Variants in MACROD2 observed in about 807,000 individuals in gnomAD.
MACROD2 encodes the protein mono-ADP ribosylhydrolase 2.
A neutral mutation model predicts 70.4 loss-of-function variants in MACROD2; 36 were observed. The ratio of observed to expected loss-of-function variants is 0.51; its 90% CI spans 0.39 to 0.68. The LOEUF is 0.68. Among genes scored for constraint, MACROD2 ranks in the 30% least tolerant of loss-of-function variants. The probability of loss-of-function intolerance (pLI) is 0.00; values close to 1 mark genes in which losing one functional copy is unlikely to be tolerated. For missense variants in MACROD2, 496 were observed against 538.4 expected (o/e 0.92, Z 0.78); for synonymous variants, 172 against 178.8 (o/e 0.96, Z 0.30).
At chr20:15,847,115 C>A (rs940403751) in intron 8 of MACROD2, among the ~76,000 whole-genome samples, 2 of 152,034 alleles carry the variant, frequency 1.3e-5, no homozygotes, top group African/African-American at 4.8e-5. Flanking sequence ...ATCAGTGGAT[C>A]TTTCCAAATA....
At chr20:14,511,042 A>G (rs1446020454) in intron 4 of MACROD2, among the ~76,000 whole-genome samples, 2 of 152,058 alleles carry the variant, frequency 1.3e-5, no homozygotes, top group African/African-American at 2.4e-5. Flanking sequence ...TGATTGCTCT[A>G]TTCCCCATAA....
chr20:14,405,253 C>A (rs979175699), intron 3 of MACROD2, among the ~76,000 whole-genome samples: 3 of 150,214 alleles, frequency 2.0e-5, no homozygotes, highest in East Asian at 2.0e-4. Context: ...AGCAACTTGA[C>A]AATACTACAG....
chr20:15,039,398 T>G (rs2075338145), intron 5 of MACROD2, among the ~76,000 whole-genome samples: 1 of 152,184 alleles, frequency 6.6e-6, no homozygotes, highest in Non-Finnish European at 1.5e-5. Flanking sequence ...TTTATGGCTT[T>G]CTTTGGGGAA....
intron 5 of MACROD2, among the ~76,000 whole-genome samples, chr20:14,779,857 C>G (rs2072277974): frequency 6.6e-6 from 1 of 152,060 alleles, no homozygotes; most frequent in African/African-American, 2.4e-5. Flanking sequence ...CTGCATTTAG[C>G]TTTATTGCTT....
At position 14,449,806 on chromosome 20, in the gene MACROD2, A is replaced by T. The variant is rs117147045; in HGVS notation, c.272-43673A>T. On this transcript the variant is annotated intron_variant, in intron 3 of 17. Coordinates refer to ENST00000684519, the MANE Select transcript of MACROD2 (RefSeq NM_001351661.2). Reference sequence around the variant, plus strand: ...ATAGCTAGTAGTTATCAGAATCAGCAACTAGAATCTGAGTCTGTTTGATTT... The same window carrying T: ...ATAGCTAGTAGTTATCAGAATCAGCTACTAGAATCTGAGTCTGTTTGATTT... Among the ~76,000 whole-genome samples the T allele has an allele frequency of 6.3e-4, 96 of 152,268 alleles. No homozygotes were observed. In the East Asian group the frequency reaches 0.017, roughly 27 times the overall value.
chr20:15,628,142 C>A (rs1286951223), intron 8 of MACROD2, among the ~76,000 whole-genome samples: 1 of 152,112 alleles, frequency 6.6e-6, no homozygotes, highest in Non-Finnish European at 1.5e-5. Flanking sequence ...ACCTACAGGG[C>A]TGATGGATTA....
intron 5 of MACROD2, among the ~76,000 whole-genome samples, chr20:15,189,720 G>A (rs1434741102): frequency 6.6e-6 from 1 of 152,064 alleles, no homozygotes; most frequent in Non-Finnish European, 1.5e-5. Context: ...AATAACTTAA[G>A]TACTTATATC....
At chr20:15,969,522 G>A (rs916044186) in intron 13 of MACROD2, among the ~76,000 whole-genome samples, 3 of 152,082 alleles carry the variant, frequency 2.0e-5, no homozygotes, top group Non-Finnish European at 2.9e-5. Context: ...GAGTCTAGAA[G>A]TAAATGATGC....
intron 5 of MACROD2, among the ~76,000 whole-genome samples, chr20:14,726,132 A>T (rs918064935): frequency 6.6e-6 from 1 of 152,218 alleles, no homozygotes; most frequent in Non-Finnish European, 1.5e-5. Flanking sequence ...GAACTCATTG[A>T]AGCATATTAA....
chr20:15,187,981 C>T (rs993940192), intron 5 of MACROD2, among the ~76,000 whole-genome samples: 1 of 152,148 alleles, frequency 6.6e-6, no homozygotes, highest in Non-Finnish European at 1.5e-5. Context: ...ATTCTCCCTC[C>T]ATCCATCCCC....
intron 3 of MACROD2, among the ~76,000 whole-genome samples, chr20:14,400,819 T>A (rs2083629733): frequency 6.6e-6 from 1 of 152,192 alleles, no homozygotes; most frequent in Non-Finnish European, 1.5e-5. Flanking sequence ...TTCCTGTTAT[T>A]CTATCTTGTC....
chr20:15,887,382 G>C (rs989892810), intron 10 of MACROD2, among the ~76,000 whole-genome samples: 3 of 152,140 alleles, frequency 2.0e-5, no homozygotes, highest in Non-Finnish European at 4.4e-5. Flanking sequence ...AGCAGAAGCA[G>C]AATCTAAAAG....
rs545251907 is a variant in MACROD2 at position 15,515,113 on chromosome 20, A to T, written c.645+15266A>T. 3.9e-5 allele frequency among the ~76,000 whole-genome samples: 6 copies of T among 152,354 alleles called. No homozygotes were observed. In the South Asian group the frequency reaches 1.2e-3, roughly 32 times the overall value. ...GTCTTGCCTTTAGCACAATGCCAGG[A>T]CCATACTCATTGCAAGTTGAATGAA... is the stretch of plus-strand genomic sequence containing the variant. On this transcript the variant is annotated intron_variant, in intron 8 of 17. Coordinates refer to ENST00000684519, the MANE Select transcript of MACROD2 (RefSeq NM_001351661.2).
chr20:14,010,998 A>G (rs919548668), intron 2 of MACROD2, among the ~76,000 whole-genome samples: 8 of 152,200 alleles, frequency 5.3e-5, no homozygotes, highest in African/African-American at 1.2e-4. Flanking sequence ...ATGATGTTCT[A>G]TCAGGGTTCT....
chr20:15,206,179 A>T (rs184146699), intron 5 of MACROD2, among the ~76,000 whole-genome samples: 30 of 152,330 alleles, frequency 2.0e-4, no homozygotes, highest in Admixed American at 1.8e-3. Context: ...AGGTATAAAT[A>T]TTTTATTGAA....
intron 5 of MACROD2, among the ~76,000 whole-genome samples, chr20:14,807,983 G>C (rs925581060): frequency 6.6e-6 from 1 of 152,098 alleles, no homozygotes; most frequent in Non-Finnish European, 1.5e-5. Flanking sequence ...GTACCTGAAA[G>C]TGATGGGGAG....
At chr20:15,525,577 G>A (rs2047711045) in intron 8 of MACROD2, among the ~76,000 whole-genome samples, 1 of 152,192 alleles carries the variant, frequency 6.6e-6, no homozygotes, top group Non-Finnish European at 1.5e-5. Context: ...TGAATGCAGA[G>A]CTATCAACAT....
intron 3 of MACROD2, among the ~76,000 whole-genome samples, chr20:14,385,674 C>A (rs2083461100): frequency 6.6e-6 from 1 of 152,146 alleles, no homozygotes; most frequent in South Asian, 2.1e-4. Context: ...GCATGTGTTT[C>A]TTTTCCATGT....
At chr20:14,398,368 G>A in intron 3 of MACROD2, among the ~76,000 whole-genome samples, 1 of 149,696 alleles carries the variant, frequency 6.7e-6, no homozygotes, top group Middle Eastern at 3.5e-3. Context: ...CCCACCAACA[G>A]TGTGTAGGAG....
Sources: allele counts gnomAD v4.1 joint callset (sites outside exome capture counted in the v4.1 genomes callset), GRCh38; gene constraint gnomAD v4.1.1; transcripts MANE v1.5; gene names NCBI Gene and HGNC (gene_info 2026-07-23, HGNC 2026-07-21).